Variants in CUX2 observed in about 807,000 individuals in gnomAD.
CUX2 encodes homeobox protein cut-like 2.
In CUX2, 40 loss-of-function variants were observed where a neutral mutation model predicts 144.8. The observed-to-expected ratio is 0.28, with a 90% CI of 0.21 to 0.36. The LOEUF is 0.36. CUX2 is among the 10% of genes least tolerant of loss of function. The pLI, the probability that CUX2 is intolerant of heterozygous loss-of-function variation, is 1.00. For missense variants in CUX2, 1,615 were observed against 1,994.0 expected (o/e 0.81, Z 3.62); for synonymous variants, 827 against 875.6 (o/e 0.94, Z 0.98).
chr12:111,327,066 C>T (rs529302712), intron 18 of CUX2, among the ~76,000 whole-genome samples: 97 of 152,306 alleles, frequency 6.4e-4, no homozygotes, highest in African/African-American at 2.2e-3. Flanking sequence ...AACCCCATAC[C>T]CATCCAGCAG....
At chr12:111,063,487 C>T (rs886724364) in intron 1 of CUX2, among the ~76,000 whole-genome samples, 3 of 152,220 alleles carry the variant, frequency 2.0e-5, no homozygotes, top group African/African-American at 7.2e-5. Flanking sequence ...GGCTCTGGGG[C>T]CTTTGGGACA....
chr12:111,240,328 A>G (rs1031276206), intron 3 of CUX2, among the ~76,000 whole-genome samples: 2 of 152,196 alleles, frequency 1.3e-5, no homozygotes, highest in African/African-American at 4.8e-5. Context: ...CACAAGGGCT[A>G]GGGTCCCCCC....
At chr12:111,103,122 C>T (rs1055546138) in intron 1 of CUX2, among the ~76,000 whole-genome samples, 5 of 152,154 alleles carry the variant, frequency 3.3e-5, no homozygotes, top group Non-Finnish European at 7.4e-5. Context: ...TTTTCTATTT[C>T]ATGGATTTTT....
In CUX2 at chr12:111,310,010, G is replaced by GTCT. The variant is rs1210465986; in HGVS notation, c.1259-30_1259-28dup. On this transcript the variant is annotated intron_variant, in intron 14 of 21. Transcript: ENST00000261726. This position sits in a 1 kb window ranked among gnomAD's most constrained non-coding sequence, Gnocchi z 7.9. ...CCCCTCATCATCGTCTTCCCCGTCT[G>GTCT]TCTGTCTGTCTGTCTGTCTGGGTGT... is the stretch of plus-strand genomic sequence containing the variant. 26 of 1,276,674 alleles carry GTCT rather than the reference G, an allele frequency of 2.0e-5. No individual in the cohort carries two copies. In the Middle Eastern group the frequency reaches 8.0e-4, roughly 39 times the overall value. The allele number at this position is 1,276,674 out of a possible 1,614,324, so 79.1% of individuals were successfully genotyped here.
rs541342184 is a variant in CUX2 at position 111,041,895 on chromosome 12, A to G, written c.63+7655A>G. On this transcript the variant is annotated intron_variant, in intron 1 of 21. Coordinates refer to ENST00000261726, the MANE Select transcript of CUX2 (RefSeq NM_015267.4). Reference sequence around the variant, plus strand: ...AAAGGCTCCTGACCAATGCATGAAGATACCCGGTTAGTAGGGTTCAGAGCC... The same window carrying G: ...AAAGGCTCCTGACCAATGCATGAAGGTACCCGGTTAGTAGGGTTCAGAGCC... 2.2e-4 allele frequency among the ~76,000 whole-genome samples: 34 copies of G among 152,282 alleles called. 1 individual carries two copies. Among genetic ancestry groups the G allele is most frequent in the Non-Finnish European group, 4.1e-4 (28 of 68,010 alleles).
intron 1 of CUX2, among the ~76,000 whole-genome samples, chr12:111,074,714 A>G (rs907530781): frequency 4.6e-5 from 7 of 152,058 alleles, no homozygotes; most frequent in Non-Finnish European, 1.0e-4. Flanking sequence ...TTCTGGCTGC[A>G]GTTCTTGGAA....
At position 111,349,731 on chromosome 12, in the gene CUX2, A is replaced by G. The variant is rs1266548978; in HGVS notation, c.*1406A>G. On this transcript the variant is annotated 3_prime_UTR_variant, in exon 22 of 22. Transcript: ENST00000261726. ...CCAATTTGGATAGAACGGCCACCAT[A>G]TTGGTTACTGAATCTCTCTCCCTTG... 6.6e-6 allele frequency: 1 copy of G among 152,128 alleles called. No individual in the cohort carries two copies. Among genetic ancestry groups the G allele is most frequent in the Non-Finnish European group, 1.5e-5 (1 of 68,028 alleles). The allele number at this position is 152,128 out of a possible 1,614,324, so 9.4% of individuals were successfully genotyped here. A position where few individuals can be genotyped will look rare whatever the true frequency, so the allele number is the denominator to read the frequency against.
intron 17 of CUX2, among the ~76,000 whole-genome samples, chr12:111,321,343 G>T (rs1047509192): frequency 1.4e-5 from 2 of 141,408 alleles, no homozygotes; most frequent in African/African-American, 5.5e-5. Context: ...GTCCTGTGCC[G>T]GTATAGTCAT....
rs1884153137 is a variant in CUX2, at chr12:111,262,002, CCCCCAAGTGACTT to C, written c.223-1754_223-1742del. Reference sequence around the variant, plus strand: ...GCTTCTAGAACTTTTTTTCTGCCCTCCCCCAAGTGACTTCCCCTTCTCAGGGAGATAATTCCTG... The same window carrying C: ...GCTTCTAGAACTTTTTTTCTGCCCTCCCCCTTCTCAGGGAGATAATTCCTG... On this transcript the variant is annotated intron_variant, in intron 3 of 21. Coordinates refer to ENST00000261726, the MANE Select transcript of CUX2 (RefSeq NM_015267.4). 3.3e-5 allele frequency among the ~76,000 whole-genome samples: 5 copies of C among 152,250 alleles called. No individual in the cohort carries two copies. In the South Asian group the frequency reaches 1.0e-3, roughly 32 times the overall value.
intron 1 of CUX2, among the ~76,000 whole-genome samples, chr12:111,120,338 A>T (rs1874571110): frequency 6.6e-6 from 1 of 152,196 alleles, no homozygotes; most frequent in Non-Finnish European, 1.5e-5. Flanking sequence ...GATGTGATTT[A>T]TAAGACTTCT....
chr12:111,298,314 G>A (rs1324344459), intron 8 of CUX2, among the ~76,000 whole-genome samples: 1 of 152,234 alleles, frequency 6.6e-6, no homozygotes, highest in Non-Finnish European at 1.5e-5. Context: ...TTCAGAGAGT[G>A]GCCCCTGGGG....
intron 1 of CUX2, among the ~76,000 whole-genome samples, chr12:111,067,593 A>T (rs760112082): frequency 3.9e-5 from 6 of 152,162 alleles, no homozygotes; most frequent in Non-Finnish European, 7.3e-5. Flanking sequence ...AATCAGAAAC[A>T]CCCCCAAAAC....
At chr12:111,233,060 A>G (rs1414967041) in intron 3 of CUX2, among the ~76,000 whole-genome samples, 1 of 152,208 alleles carries the variant, frequency 6.6e-6, no homozygotes, top group East Asian at 1.9e-4. Flanking sequence ...GAGTAGGGAC[A>G]TTCTAGTCAC....
At chr12:111,181,403 T>G (rs1224299091) in intron 1 of CUX2, among the ~76,000 whole-genome samples, 1 of 152,224 alleles carries the variant, frequency 6.6e-6, no homozygotes, top group Non-Finnish European at 1.5e-5. Context: ...AATAATGCAC[T>G]GGCTAGACTC....
intron 1 of CUX2, among the ~76,000 whole-genome samples, chr12:111,103,661 A>G (rs1334608262): frequency 6.6e-6 from 1 of 152,216 alleles, no homozygotes; most frequent in Non-Finnish European, 1.5e-5. Flanking sequence ...GCCACTGTCT[A>G]CTATAACAGG....
chr12:111,266,842 G>C (rs1308567901), intron 4 of CUX2, among the ~76,000 whole-genome samples: 1 of 152,214 alleles, frequency 6.6e-6, no homozygotes, highest in Non-Finnish European at 1.5e-5. Context: ...CTGGCCTGTT[G>C]CTACTCAAAG....
At chr12:111,118,473 C>T (rs2136091774) in intron 1 of CUX2, among the ~76,000 whole-genome samples, 1 of 152,288 alleles carries the variant, frequency 6.6e-6, no homozygotes, top group Non-Finnish European at 1.5e-5. Flanking sequence ...AATTGGCAAG[C>T]ATTACCAGTC....
intron 4 of CUX2, among the ~76,000 whole-genome samples, chr12:111,274,999 T>C (rs1884798081): frequency 6.6e-6 from 1 of 150,924 alleles, no homozygotes. Flanking sequence ...TAGCATCAGC[T>C]AGTGGTGAAA....
At position 111,201,687 on chromosome 12, in the gene CUX2, G is replaced by A. The variant is rs1360273219; in HGVS notation, c.64-12513G>A. The stretch of plus-strand genomic sequence containing the variant: ...CTGGCACCTTCTCAGCCCTGCACCT[G>A]GCACCTTCTCAGCCCTGCATGCCAG... On this transcript the variant is annotated intron_variant, in intron 1 of 21. Transcript: ENST00000261726. Among the ~76,000 whole-genome samples the A allele has an allele frequency of 3.3e-5, 5 of 152,128 alleles. No homozygotes were observed. In the East Asian group the frequency reaches 9.6e-4, roughly 29 times the overall value.
Sources: gnomAD v4.1 joint callset for allele counts (sites outside exome capture counted in the v4.1 genomes callset) on GRCh38, gnomAD v4.1.1 for gene constraint, Gnocchi (gnomAD v3.1) non-coding constraint, MANE v1.5 for transcripts, NCBI Gene and HGNC (gene_info 2026-07-23, HGNC 2026-07-21) for gene names.